Variants in DCP2 observed in about 807,000 individuals in gnomAD.
DCP2 encodes m7GpppN-mRNA hydrolase.
Under a neutral mutation model 56.1 loss-of-function variants are expected in DCP2, and 30 were observed. The ratio of observed to expected loss-of-function variants is 0.53; its 90% CI spans 0.40 to 0.73. DCP2 has a LOEUF of 0.73. Among genes scored for constraint, DCP2 ranks in the 30% least tolerant of loss-of-function variants. DCP2 has a pLI of 0.00. For missense variants in DCP2, 533 were observed against 502.7 expected, an observed-to-expected ratio of 1.06 and a Z score of -0.58; for synonymous variants, 197 against 163.3, an observed-to-expected ratio of 1.21 and a Z score of -1.57.
chr5:112,994,853 T>A (rs1748776276), intron 4 of DCP2, among the ~76,000 whole-genome samples: 1 of 152,170 alleles, frequency 6.6e-6, no homozygotes, highest in South Asian at 2.1e-4. Context: ...AAGTAATATC[T>A]TTAAGGAAAA....
intron 1 of DCP2, among the ~76,000 whole-genome samples, chr5:112,983,296 A>C (rs1748096497): frequency 6.6e-6 from 1 of 152,212 alleles, no homozygotes; most frequent in Non-Finnish European, 1.5e-5. Context: ...ACAAGTCCCT[A>C]AGGCAATATT....
chr5:112,980,880 C>T (rs990470498), intron 1 of DCP2, among the ~76,000 whole-genome samples: 10 of 151,962 alleles, frequency 6.6e-5, no homozygotes, highest in African/African-American at 1.2e-4. Context: ...GTTTTATCAA[C>T]TTTCTATATT....
intron 1 of DCP2, among the ~76,000 whole-genome samples, chr5:112,978,973 G>C (rs1286889478): frequency 6.6e-6 from 1 of 152,154 alleles, no homozygotes; most frequent in Non-Finnish European, 1.5e-5. Flanking sequence ...GGGTTAATTT[G>C]CATATTATCT....
At chr5:112,985,282 T>C (rs970305827) in intron 1 of DCP2, among the ~76,000 whole-genome samples, 2 of 152,134 alleles carry the variant, frequency 1.3e-5, no homozygotes, top group African/African-American at 4.8e-5. Flanking sequence ...AATATGTCTT[T>C]CCTTTCCCCA....
At chr5:113,000,944 C>T (rs570848110) in intron 4 of DCP2, 140 bp from the exon 5 acceptor site, 9 of 875,924 alleles carry the variant, frequency 1.0e-5, no homozygotes, top group Non-Finnish European at 1.5e-5. Flanking sequence ...ATATGCATTT[C>T]TGTACCAGCC....
intron 6 of DCP2, 32 bp from the exon 7 acceptor site, chr5:113,001,535 A>G (rs370598360): frequency 6.2e-7 from 1 of 1,610,922 alleles, no homozygotes; most frequent in Non-Finnish European, 8.5e-7. Context: ...CTGTAGCCAT[A>G]TTTTGAAAGT....
At chr5:112,977,474 TATTCTGAC>T (rs1179997633) in intron 1 of DCP2, among the ~76,000 whole-genome samples, 3 of 152,318 alleles carry the variant, frequency 2.0e-5, no homozygotes, top group African/African-American at 7.2e-5. Context: ...TTTTCGGACT[TATTCTGAC>T]GCCTGCGTGT....
At chr5:112,994,186 T>G (rs1748739450) in intron 4 of DCP2, among the ~76,000 whole-genome samples, 1 of 147,056 alleles carries the variant, frequency 6.8e-6, no homozygotes, top group African/African-American at 2.5e-5. Flanking sequence ...TTTTTTTTTT[T>G]TTAAAGACAG....
chr5:113,015,533 G>A lies in DCP2; in HGVS notation c.*2049G>A, dbSNP rs1299568453. On this transcript the variant is annotated 3_prime_UTR_variant, in exon 11 of 11. Transcript: ENST00000389063. ...ACAAATTATCTTTGTGATTACAGTA[G>A]TTTAACTATGGTTAAATGTTACTGC... 1 of 152,460 alleles carries A rather than the reference G, an allele frequency of 6.6e-6. No individual in the cohort carries two copies. Among genetic ancestry groups the A allele is most frequent in the African/African-American group, 2.4e-5 (1 of 41,406 alleles). The allele number at this position is 152,460 out of a possible 1,614,324, so 9.4% of individuals were successfully genotyped here.
At chr5:113,001,800 C>A (rs901525529) in intron 7 of DCP2, 126 bp downstream of exon 7, 1 of 841,636 alleles carries the variant, frequency 1.2e-6, no homozygotes, top group East Asian at 2.6e-5. Flanking sequence ...TGTTACTGGT[C>A]TCACAGATAA....
intron 1 of DCP2, among the ~76,000 whole-genome samples, chr5:112,983,599 A>G (rs190706649): frequency 8.8e-4 from 134 of 152,296 alleles, no homozygotes; most frequent in Non-Finnish European, 1.7e-3. Flanking sequence ...CCAAGTATGT[A>G]TAGTCTATGG....
intron 2 of DCP2, among the ~76,000 whole-genome samples, chr5:112,986,478 G>A (rs1748293753): frequency 6.6e-6 from 1 of 151,884 alleles, no homozygotes; most frequent in African/African-American, 2.4e-5. Flanking sequence ...GTGACTACAG[G>A]CATGCGCTAC....
chr5:113,008,413 T>G (rs961942928), intron 9 of DCP2: 1 of 159,962 alleles, frequency 6.3e-6, no homozygotes, highest in Non-Finnish European at 1.4e-5. Context: ...GTTGATAGAG[T>G]TTAGAAAATA....
rs1554100633 is a variant in DCP2, at chr5:113,000,420, A to ACACACCTC, written c.433-658_433-657insTCCACACC. Among the ~76,000 whole-genome samples, 4 of 146,652 alleles carry ACACACCTC rather than the reference A, an allele frequency of 2.7e-5. No homozygotes were observed. In the East Asian group the frequency reaches 8.0e-4, roughly 29 times the overall value. ...CTAATACACACACACACACACACAC[A>ACACACCTC]CACACCCACACACCCTACCTGAGTT... On this transcript the variant is annotated intron_variant, in intron 4 of 10. Transcript: ENST00000389063.
Position 113,001,138 on chromosome 5 carries a change from A to C in DCP2, c.487A>C (p.Ile163Leu). Reference protein sequence around the residue: ...IKDYICKDDYIELRINDQLAR... With the variant: ...IKDYICKDDYLELRINDQLAR... ...AGACTATATTTGTAAGGATGATTAC[A>C]TTGAACTTCGAATCAATGACCAGCT... The change falls in exon 5 of 11, where the codon ATT (isoleucine) becomes CTT (leucine). Residue 163 changes from isoleucine to leucine, a missense_variant. Around this residue, in one of 3 missense-constraint regions of DCP2, gnomAD observed 392 missense variants for 346.6 expected, o/e 1.13. Coordinates refer to ENST00000389063, the MANE Select transcript of DCP2 (RefSeq NM_152624.6). The C allele has an allele frequency of 6.2e-7, 1 of 1,613,932 alleles. No homozygotes were observed. Among genetic ancestry groups the C allele is most frequent in the Non-Finnish European group, 8.5e-7 (1 of 1,179,948 alleles).
intron 3 of DCP2, 27 bp downstream of exon 3, chr5:112,992,275 A>C: frequency 6.3e-7 from 1 of 1,597,162 alleles, no homozygotes; most frequent in Non-Finnish European, 8.5e-7. Flanking sequence ...AAAGATTTTT[A>C]GTGAAATGGT....
In DCP2 at chr5:113,021,580, T is replaced by TTAAC. The variant is rs1242340025; in HGVS notation, c.*8098_*8101dup. On this transcript the variant is annotated 3_prime_UTR_variant, in exon 11 of 11. Transcript: ENST00000389063. The stretch of plus-strand genomic sequence containing the variant: ...GAATCAGGTTTTGCAATAGGAATAC[T>TTAAC]TAACTTTGGATCTCAAGGGGGAAAG... Among the ~76,000 whole-genome samples, 5 of 152,188 alleles carry TTAAC rather than the reference T, an allele frequency of 3.3e-5. 1 individual carries two copies. The South Asian group carries it at 6.2e-4, about 19-fold the overall frequency.
At chr5:112,988,083 G>A (rs867088601) in intron 2 of DCP2, among the ~76,000 whole-genome samples, 6 of 151,900 alleles carry the variant, frequency 3.9e-5, no homozygotes, top group Admixed American at 6.6e-5. Flanking sequence ...GGAATCCTTC[G>A]GGCTCTGTAG....
chr5:112,986,527 G>A (rs1748296002), intron 2 of DCP2, among the ~76,000 whole-genome samples: 1 of 151,822 alleles, frequency 6.6e-6, no homozygotes, highest in Non-Finnish European at 1.5e-5. Flanking sequence ...TCTAAAAATG[G>A]GGGTCTCTCT....
Sources: allele counts gnomAD v4.1 joint callset (sites outside exome capture counted in the v4.1 genomes callset), GRCh38; gene constraint gnomAD v4.1.1; regional missense constraint gnomAD v4.1.1; transcripts MANE v1.5; gene names NCBI Gene and HGNC (gene_info 2026-07-23, HGNC 2026-07-21).